RNF216: variants seen among roughly 807,000 people sequenced by gnomAD.
The protein encoded by RNF216 is E3 ubiquitin-protein ligase RNF216.
RNF216 carries 72 observed loss-of-function variants against 110.8 expected under a neutral mutation model. The observed-to-expected ratio is 0.65, with a 90% CI of 0.54 to 0.79. The LOEUF (loss-of-function observed/expected upper bound fraction) is 0.79. Among genes scored for constraint, RNF216 ranks in the 30% least tolerant of loss-of-function variants. The pLI is 0.00. For synonymous variants in RNF216, 495 were observed against 407.5 expected, an observed-to-expected ratio of 1.21 and a Z score of -2.59; for missense variants, 1,342 against 1,141.2, an observed-to-expected ratio of 1.18 and a Z score of -2.54.
rs1241481233 is a variant in RNF216 at position 5,730,809 on chromosome 7, T to C, written c.1130A>G (p.Asn377Ser). 2.5e-6 allele frequency: 4 copies of C among 1,583,572 alleles called. No individual in the cohort carries two copies. Among genetic ancestry groups the C allele is most frequent in the South Asian group, 2.3e-5 (2 of 88,472 alleles). ...KNYYDLNVLC[N>S]FLLENPDYPK... ...ATAATCTGGGTTTTCCAGAAGAAAA[T>C]TACAAAGTCTGCAGAAACAAATGAT... Residue 377 changes from asparagine to serine, a missense_variant, in exon 6 of 17, where the codon AAT becomes AGT. Asn to Ser is a conservative substitution (Grantham distance 46, BLOSUM62 1). Transcript: ENST00000389902.
chr7:5,711,878 T>G, intron 12 of RNF216, 39 bp from the exon 13 acceptor site: 1 of 1,577,318 alleles, frequency 6.3e-7, no homozygotes, highest in Non-Finnish European at 8.7e-7. Flanking sequence ...ACTTCAAACA[T>G]TAAAGCCTGA....
chr7:5,687,482 G>A (rs1049504898), intron 13 of RNF216, among the ~76,000 whole-genome samples: 1 of 151,642 alleles, frequency 6.6e-6, no homozygotes. Flanking sequence ...AAACCAAAGA[G>A]TCCACTCACA....
At chr7:5,778,484 T>C (rs186057603) in intron 1 of RNF216, among the ~76,000 whole-genome samples, 1 of 152,350 alleles carries the variant, frequency 6.6e-6, no homozygotes, top group African/African-American at 2.4e-5. Context: ...ATGTGTAATT[T>C]TGGTCTCCTC....
At chr7:5,746,064 C>A (rs1394017805) in intron 3 of RNF216, among the ~76,000 whole-genome samples, 3 of 152,172 alleles carry the variant, frequency 2.0e-5, no homozygotes, top group Non-Finnish European at 4.4e-5. Context: ...CTGTTGATAT[C>A]TTGAGGTAAC....
At chr7:5,706,398 A>T (rs1792292163) in intron 13 of RNF216, among the ~76,000 whole-genome samples, 1 of 152,118 alleles carries the variant, frequency 6.6e-6, no homozygotes, top group Admixed American at 6.6e-5. Context: ...GCCTTCTCCC[A>T]GCCTCTGGCA....
chr7:5,767,326 A>G (rs1206277660), intron 1 of RNF216, among the ~76,000 whole-genome samples: 2 of 152,210 alleles, frequency 1.3e-5, no homozygotes, highest in Admixed American at 1.3e-4. Flanking sequence ...TTAAGTGTGA[A>G]AAAATGGACC....
In RNF216 at chr7:5,721,114, C is replaced by G; in HGVS notation, c.1563G>C (p.Arg521Ser). 1 of 1,613,960 alleles carries G rather than the reference C, an allele frequency of 6.2e-7. No homozygotes were observed. The highest frequency in any genetic ancestry group is 8.5e-7 in the Non-Finnish European group (1 of 1,179,852). ...GAAGGAGAGCACGTCGGTCATAGGA[C>G]CTACAATGTCGTCGCTTATTTTCAA... ...FFLENKRRHC[R>S]SYDRRALLPA... is the part of the protein sequence containing the mutation. The change falls in exon 9 of 17, where the codon AGG becomes AGC. Residue 521 changes from arginine to serine, a missense_variant. Coordinates refer to ENST00000389902, the MANE Select transcript of RNF216 (RefSeq NM_207111.4).
At chr7:5,646,387 AC>A (rs2128571738) in intron 14 of RNF216, among the ~76,000 whole-genome samples, 1 of 151,788 alleles carries the variant, frequency 6.6e-6, no homozygotes, top group East Asian at 1.9e-4. Context: ...ACAAAACAAA[AC>A]AAAACAAAAG....
intron 1 of RNF216, among the ~76,000 whole-genome samples, chr7:5,770,929 T>C (rs1391765979): frequency 6.6e-6 from 1 of 151,998 alleles, no homozygotes; most frequent in African/African-American, 2.4e-5. Flanking sequence ...TGCTTCAGCC[T>C]CCAGAGTTGC....
At chr7:5,766,850 A>G (rs1796234170) in intron 1 of RNF216, 1 of 152,232 alleles carries the variant, frequency 6.6e-6, no homozygotes, top group African/African-American at 2.4e-5. Context: ...AAAATTCTAT[A>G]CAACTATAAA....
In RNF216 at chr7:5,668,224, C is replaced by CTT. The variant is rs10693387; in HGVS notation, c.2062-15716_2062-15715dup. On this transcript the variant is annotated intron_variant, in intron 13 of 16. Coordinates refer to ENST00000389902, the MANE Select transcript of RNF216 (RefSeq NM_207111.4). Reference sequence around the variant, plus strand: ...TTCTCAGAGTAAATAGCAAAGCGGACTTTTTTTTTTTTTTTTGAGATGGAG... The same window carrying CTT: ...TTCTCAGAGTAAATAGCAAAGCGGACTTTTTTTTTTTTTTTTTTGAGATGGAG... Among the ~76,000 whole-genome samples, 674 of 139,900 alleles carry CTT rather than the reference C, an allele frequency of 4.8e-3. 5 individuals carry two copies. The highest frequency in any genetic ancestry group is 0.016 in the African/African-American group (597 of 37,666). 91.8% of individuals were successfully genotyped at this position (139,900 alleles called of 152,430 possible). A position where few individuals can be genotyped will look rare whatever the true frequency, so the allele number is the denominator to read the frequency against.
chr7:5,727,870 C>A (rs528685806), intron 7 of RNF216, among the ~76,000 whole-genome samples: 10 of 151,806 alleles, frequency 6.6e-5, no homozygotes, highest in African/African-American at 2.4e-4. Flanking sequence ...CTCTGGGTAC[C>A]TCATCCTGGC....
intron 13 of RNF216, among the ~76,000 whole-genome samples, chr7:5,682,890 A>G (rs1407925785): frequency 6.6e-6 from 1 of 152,180 alleles, no homozygotes; most frequent in Non-Finnish European, 1.5e-5. Context: ...CTTTACATAT[A>G]AAGCTTTGCA....
At chr7:5,746,443 G>A (rs1562456279) in intron 3 of RNF216, among the ~76,000 whole-genome samples, 1 of 152,180 alleles carries the variant, frequency 6.6e-6, no homozygotes, top group South Asian at 2.1e-4. Flanking sequence ...GCATACAGGG[G>A]TGCAGTTTTA....
intron 13 of RNF216, among the ~76,000 whole-genome samples, chr7:5,678,791 A>T (rs1790469450): frequency 6.6e-6 from 1 of 152,222 alleles, no homozygotes; most frequent in Non-Finnish European, 1.5e-5. Context: ...AAGGTGACGG[A>T]GCAGATTTCT....
intron 1 of RNF216, among the ~76,000 whole-genome samples, chr7:5,776,420 TA>T (rs76385326): frequency 0.089 from 11,962 of 134,694 alleles, 558 homozygotes; most frequent in African/African-American, 0.13. Context: ...CGTCTCTACT[TA>T]AAAAAAAAAA....
At chr7:5,681,057 C>A (rs1476169258) in intron 13 of RNF216, among the ~76,000 whole-genome samples, 4 of 152,164 alleles carry the variant, frequency 2.6e-5, no homozygotes, top group Non-Finnish European at 5.9e-5. Flanking sequence ...AGACCCTTCC[C>A]ACACTGGGGT....
intron 15 of RNF216, among the ~76,000 whole-genome samples, chr7:5,638,632 C>CTT (rs1562778314): frequency 7.9e-4 from 97 of 122,782 alleles, no homozygotes; most frequent in African/African-American, 2.7e-3. Flanking sequence ...GAAAAGCAAG[C>CTT]ATTTTTTTTT....
intron 3 of RNF216, among the ~76,000 whole-genome samples, chr7:5,742,686 C>T (rs1794829450): frequency 6.7e-6 from 1 of 150,022 alleles, no homozygotes; most frequent in Admixed American, 6.7e-5. Context: ...ACTTCTGCCT[C>T]CCAGGTTCAA....
Sources: allele counts gnomAD v4.1 joint callset (sites outside exome capture counted in the v4.1 genomes callset), GRCh38; gene constraint gnomAD v4.1.1; transcripts MANE v1.5; gene names NCBI Gene and HGNC (gene_info 2026-07-23, HGNC 2026-07-21).